The following PARP10 variants were observed in gnomAD, a reference collection of about 807,000 sequenced individuals.
PARP10 encodes protein mono-ADP-ribosyltransferase PARP10.
Under a neutral mutation model 82.4 loss-of-function variants are expected in PARP10, and 56 were observed. That is an observed-to-expected ratio of 0.68 (90% CI 0.55 to 0.85). PARP10 has a LOEUF of 0.85. Among genes scored for constraint, PARP10 ranks in the 40% least tolerant of loss-of-function variants. The pLI, the probability that PARP10 is intolerant of heterozygous loss-of-function variation, is 0.00. For missense variants in PARP10, 1,227 were observed against 1,379.4 expected (o/e 0.89, Z 1.75); for synonymous variants, 576 against 601.1 (o/e 0.96, Z 0.61).
rs782420624 is a variant in PARP10 at position 144,012,191 on chromosome 8, G to A, written c.-80+339C>T. Among the ~76,000 whole-genome samples, 43 of 152,328 alleles carry A rather than the reference G, an allele frequency of 2.8e-4. No individual in the cohort carries two copies. In the Middle Eastern group the frequency reaches 0.01, roughly 36 times the overall value. ...GACACATCTGCTGGGGAAACCCAGC[G>A]GGCAGCAATTAACTTGCGGTGGGGG... On this transcript the variant is annotated intron_variant, in intron 1 of 3. Coordinates refer to the PARP10 transcript ENST00000530478.
intron 1 of PARP10, among the ~76,000 whole-genome samples, chr8:144,001,413 A>G (rs1554751701): frequency 1.3e-5 from 2 of 152,080 alleles, no homozygotes; most frequent in Non-Finnish European, 2.9e-5. Context: ...TATAAATTTA[A>G]TTCAAAATAC....
At chr8:143,982,187 A>T (rs1360021912) in intron 9 of PARP10, among the ~76,000 whole-genome samples, 1 of 151,692 alleles carries the variant, frequency 6.6e-6, no homozygotes, top group Non-Finnish European at 1.5e-5. Context: ...GCCCCGTGCA[A>T]GGCCGGGCGC....
chr8:143,995,811 C>T (rs1353191059), upstream of PARP10, among the ~76,000 whole-genome samples: 3 of 152,110 alleles, frequency 2.0e-5, no homozygotes, highest in South Asian at 2.1e-4. Flanking sequence ...AAAACAAGAC[C>T]CCTCTGTTAT....
At chr8:143,996,399 G>C (rs56207135) in intron 1 of PARP10, among the ~76,000 whole-genome samples, 46,289 of 152,084 alleles carry the variant, frequency 0.3, 7,575 homozygotes, top group Non-Finnish European at 0.36. Context: ...TCAATCAACG[G>C]TGCCTGCTGA....
intron 1 of PARP10, among the ~76,000 whole-genome samples, chr8:143,999,665 T>G (rs1834187174): frequency 6.6e-6 from 1 of 151,670 alleles, no homozygotes; most frequent in Non-Finnish European, 1.5e-5. Flanking sequence ...TTTTTTTTTT[T>G]TAATTTTTAT....
At chr8:143,999,479 C>T (rs898668768) in intron 1 of PARP10, among the ~76,000 whole-genome samples, 5 of 152,088 alleles carry the variant, frequency 3.3e-5, no homozygotes, top group Admixed American at 6.6e-5. Context: ...GTTGGGATTA[C>T]AAGCATAAGC....
At chr8:143,991,664 G>T, upstream of PARP10, 1 of 1,595,718 alleles carries the variant, frequency 6.3e-7, no homozygotes, top group Non-Finnish European at 8.6e-7. Context: ...CTTGTGAGTG[G>T]CGCTGACCCA....
intron 9 of PARP10, among the ~76,000 whole-genome samples, chr8:143,980,644 C>T (rs782798754): frequency 8.6e-5 from 13 of 151,886 alleles, no homozygotes; most frequent in African/African-American, 1.2e-4. Flanking sequence ...GAGATACTCC[C>T]ACTAAACAAA....
intron 1 of PARP10, among the ~76,000 whole-genome samples, chr8:144,005,442 A>C (rs773412727): frequency 3.3e-5 from 5 of 152,190 alleles, no homozygotes; most frequent in Non-Finnish European, 7.4e-5. Flanking sequence ...AACAGAGGCT[A>C]CTATCCTGCA....
chr8:143,991,470 C>T (rs201205064), upstream of PARP10: 1,761 of 1,507,346 alleles, frequency 1.2e-3, 3 homozygotes, highest in Non-Finnish European at 1.3e-3. Context: ...CCCACAGGGC[C>T]CCTACCCACA....
upstream of PARP10, chr8:143,991,743 A>G (rs1554750542): frequency 1.9e-6 from 3 of 1,613,672 alleles, no homozygotes; most frequent in African/African-American, 2.7e-5. Flanking sequence ...TACTATGACA[A>G]CCAGGACTTC....
At chr8:143,992,668 A>G (rs782544886), upstream of PARP10, 24 of 1,613,782 alleles carry the variant, frequency 1.5e-5, no homozygotes, top group African/African-American at 2.7e-5. Flanking sequence ...TTGTCCCTCA[A>G]CACCACTGTG....
chr8:143,992,494 C>T (rs782316215), upstream of PARP10: 11 of 1,614,020 alleles, frequency 6.8e-6, no homozygotes, highest in South Asian at 6.6e-5. Flanking sequence ...CATGCATGGG[C>T]GTGCTCCTGG....
At position 143,979,633 on chromosome 8, in the gene PARP10, G is replaced by A. The variant is rs1307218137; in HGVS notation, c.2557-1552C>T. Reference sequence around the variant, plus strand: ...GGCAATATAAATTTAAAAGTCGGCCGGGTGCAGTGGCTCACGCCTGTAATC... The same window carrying A: ...GGCAATATAAATTTAAAAGTCGGCCAGGTGCAGTGGCTCACGCCTGTAATC... On this transcript the variant is annotated intron_variant, in intron 9 of 10. Coordinates refer to ENST00000313028, the MANE Select transcript of PARP10 (RefSeq NM_032789.5). 4.6e-5 allele frequency among the ~76,000 whole-genome samples: 7 copies of A among 152,290 alleles called. No individual in the cohort carries two copies. In the East Asian group the frequency reaches 9.7e-4, roughly 21 times the overall value.
At position 144,011,889 on chromosome 8, in the gene PARP10, G is replaced by A. The variant is rs1358858555; in HGVS notation, c.-80+641C>T. Among the ~76,000 whole-genome samples, 1 of 152,194 alleles carries A rather than the reference G, an allele frequency of 6.6e-6. No homozygotes were observed. Among genetic ancestry groups the A allele is most frequent in the Non-Finnish European group, 1.5e-5 (1 of 68,042 alleles). On this transcript the variant is annotated intron_variant, in intron 1 of 3. Coordinates refer to the PARP10 transcript ENST00000530478. This position sits in a 1 kb window ranked among gnomAD's most constrained non-coding sequence, Gnocchi z 4.5. ...GGGTCAGAAGAAATCATGGGCGAGT[G>A]TCCAGGCCTTCAAGACACAGCAACC...
intron 9 of PARP10, among the ~76,000 whole-genome samples, chr8:143,978,932 G>A (rs140041875): frequency 6.6e-6 from 1 of 152,002 alleles, no homozygotes; most frequent in East Asian, 1.9e-4. Flanking sequence ...CACGTGCCAG[G>A]AAACCTCAAC....
chr8:143,979,292 C>T (rs1481700731), intron 9 of PARP10, among the ~76,000 whole-genome samples: 1 of 152,168 alleles, frequency 6.6e-6, no homozygotes, highest in Non-Finnish European at 1.5e-5. Context: ...AGTTTACACA[C>T]ACACACAACA....
chr8:143,990,627 C>G (rs1277187916), upstream of PARP10: 2 of 152,244 alleles, frequency 1.3e-5, no homozygotes, highest in African/African-American at 4.8e-5. The surrounding 1 kb of genome is among the most constrained non-coding windows in gnomAD (Gnocchi z 5.6). Flanking sequence ...GCACCGGCAG[C>G]CGATCCAGGC....
intron 1 of PARP10, among the ~76,000 whole-genome samples, chr8:144,012,238 G>A (rs2133089127): frequency 6.6e-6 from 1 of 152,374 alleles, no homozygotes. Flanking sequence ...CACGGAAGAG[G>A]CACCATGAGG....
Sources: gnomAD v4.1 joint callset for allele counts (sites outside exome capture counted in the v4.1 genomes callset) on GRCh38, gnomAD v4.1.1 for gene constraint, Gnocchi (gnomAD v3.1) non-coding constraint, MANE v1.5 for transcripts, NCBI Gene and HGNC (gene_info 2026-07-23, HGNC 2026-07-21) for gene names.